The following MYO10 variants were observed in gnomAD, a reference collection of about 807,000 sequenced individuals.
MYO10 encodes myosin X.
In MYO10, 133 loss-of-function variants were observed where a neutral mutation model predicts 257.3. The ratio of observed to expected loss-of-function variants is 0.52; its 90% CI spans 0.45 to 0.60. The LOEUF is 0.60. Among genes scored for constraint, MYO10 ranks in the 20% least tolerant of loss-of-function variants. The probability of loss-of-function intolerance (pLI) is 0.00; values close to 1 mark genes in which losing one functional copy is unlikely to be tolerated. For synonymous variants in MYO10, 1,104 were observed against 1,028.6 expected, an observed-to-expected ratio of 1.07 and a Z score of -1.40; for missense variants, 2,399 against 2,635.7, an observed-to-expected ratio of 0.91 and a Z score of 1.97.
chr5:16,865,584 G>T (rs1744221243), intron 2 of MYO10, among the ~76,000 whole-genome samples: 1 of 152,152 alleles, frequency 6.6e-6, no homozygotes, highest in Non-Finnish European at 1.5e-5. Flanking sequence ...GCCGAGGTGG[G>T]TGGATCACCT....
chr5:16,765,737 C>T (rs1305668389), intron 11 of MYO10, among the ~76,000 whole-genome samples: 2 of 152,098 alleles, frequency 1.3e-5, no homozygotes, highest in East Asian at 3.9e-4. Context: ...TATAATTATG[C>T]TTGTCTTATA....
chr5:16,700,237 T>C (rs1163073960), intron 25 of MYO10, among the ~76,000 whole-genome samples: 1 of 152,150 alleles, frequency 6.6e-6, no homozygotes, highest in Non-Finnish European at 1.5e-5. Flanking sequence ...CAAGGAAAGT[T>C]TGCCAGTTCA....
chr5:16,784,722 A>G (rs1741522906), intron 4 of MYO10, among the ~76,000 whole-genome samples: 1 of 152,234 alleles, frequency 6.6e-6, no homozygotes. Flanking sequence ...CGTTCTAAAG[A>G]GAAGTCCTGT....
chr5:16,823,468 A>ATTTTTTTTTTTTTTTTTT (rs1173952251), intron 2 of MYO10, among the ~76,000 whole-genome samples: 1 of 6,448 alleles, frequency 1.6e-4, no homozygotes, highest in African/African-American at 4.7e-4. Flanking sequence ...GGGAGTGGGG[A>ATTTTTTTTTTTTTTTTTT]TTTTTTTTTT....
At chr5:16,672,003 T>C (rs1561167818) in intron 37 of MYO10, among the ~76,000 whole-genome samples, 1 of 152,264 alleles carries the variant, frequency 6.6e-6, no homozygotes, top group East Asian at 1.9e-4. Flanking sequence ...TCAAATAGCG[T>C]AGGTCTACAG....
chr5:16,728,981 T>C (rs1447485639), intron 19 of MYO10, among the ~76,000 whole-genome samples: 1 of 152,216 alleles, frequency 6.6e-6, no homozygotes, highest in African/African-American at 2.4e-5. Flanking sequence ...TTTCTTTTCT[T>C]TTAAGCACAG....
intron 2 of MYO10, among the ~76,000 whole-genome samples, chr5:16,825,434 T>C (rs1442422304): frequency 6.6e-6 from 1 of 152,238 alleles, no homozygotes; most frequent in Non-Finnish European, 1.5e-5. Context: ...GAAATGTTTT[T>C]CCCTGTGAAC....
At chr5:16,833,555 T>C (rs1041647917) in intron 2 of MYO10, among the ~76,000 whole-genome samples, 2 of 152,156 alleles carry the variant, frequency 1.3e-5, no homozygotes, top group Non-Finnish European at 2.9e-5. Context: ...CTTGATAATA[T>C]AGAATTGAAA....
Position 16,673,768 on chromosome 5 carries a change from G to A in MYO10, c.5086C>T (p.His1696Tyr). 1 of 1,613,970 alleles carries A rather than the reference G, an allele frequency of 6.2e-7. No homozygotes were observed. Among genetic ancestry groups the A allele is most frequent in the South Asian group, 1.1e-5 (1 of 91,076 alleles). The change falls in exon 36 of 41, where the codon CAC (histidine) becomes TAC (tyrosine). Residue 1696 changes from histidine to tyrosine, a missense_variant. Coordinates refer to ENST00000513610, the MANE Select transcript of MYO10 (RefSeq NM_012334.3). Reference sequence around the variant, plus strand: ...ACCGTGGATGTCATTTCCTGCCTGTGGATCAGAGCTTCTATTTCATCTCGG... The same window carrying A: ...ACCGTGGATGTCATTTCCTGCCTGTAGATCAGAGCTTCTATTTCATCTCGG... Reference protein sequence around the residue: ...PSRDEIEALIHRQEMTSTVYC... With the variant: ...PSRDEIEALIYRQEMTSTVYC...
At chr5:16,906,001 C>T (rs1454157094) in intron 1 of MYO10, among the ~76,000 whole-genome samples, 1 of 152,176 alleles carries the variant, frequency 6.6e-6, no homozygotes. Flanking sequence ...AGAATGGATA[C>T]ATCCTCAACT....
chr5:16,671,997 A>G (rs1341097688), intron 37 of MYO10, among the ~76,000 whole-genome samples: 1 of 152,200 alleles, frequency 6.6e-6, no homozygotes, highest in Non-Finnish European at 1.5e-5. Flanking sequence ...CACAGATCAA[A>G]TAGCGTAGGT....
chr5:16,891,192 CAGG>C (rs1561042261), intron 1 of MYO10, among the ~76,000 whole-genome samples: 1 of 151,622 alleles, frequency 6.6e-6, no homozygotes, highest in Non-Finnish European at 1.5e-5. Context: ...GAGGCTGAGG[CAGG>C]AGAATTGCTT....
At chr5:16,874,195 A>G (rs572450686) in intron 2 of MYO10, among the ~76,000 whole-genome samples, 1 of 151,898 alleles carries the variant, frequency 6.6e-6, no homozygotes, top group Admixed American at 6.6e-5. Flanking sequence ...TTAGCTGGGC[A>G]TGGTGGCAGG....
intron 1 of MYO10, among the ~76,000 whole-genome samples, chr5:16,921,365 A>AG (rs1434677051): frequency 5.3e-5 from 8 of 152,226 alleles, no homozygotes; most frequent in Non-Finnish European, 2.9e-5. Flanking sequence ...TTAGGGGGTG[A>AG]GGGGTCTGAG....
chr5:16,758,295 T>G, intron 17 of MYO10, 69 bp from the exon 18 acceptor site: 2 of 1,049,110 alleles, frequency 1.9e-6, no homozygotes, highest in Non-Finnish European at 3.0e-6. Context: ...ATTATTGTAA[T>G]TAATGGTGCC....
intron 32 of MYO10, 128 bp from the exon 33 acceptor site, chr5:16,680,232 CAT>C: frequency 8.5e-7 from 1 of 1,176,676 alleles, no homozygotes; most frequent in Non-Finnish European, 1.2e-6. Flanking sequence ...TTAATTCCTA[CAT>C]GTGTCCTGTC....
chr5:16,829,532 C>G (rs1474650142), intron 2 of MYO10, among the ~76,000 whole-genome samples: 1 of 152,148 alleles, frequency 6.6e-6, no homozygotes, highest in Non-Finnish European at 1.5e-5. Flanking sequence ...TCGCGCACCC[C>G]CAAAAGTATC....
rs1256217463 is a variant in MYO10, at chr5:16,668,312, C to T, written c.6040G>A (p.Val2014Ile). ...APLANTYKIV[V>I]DERELLFETS... Reference sequence around the variant, plus strand: ...TCAAAGAGCAGCTCCCTCTCATCGACCACGATCTTATACGTATTCGCCAGG... The same window carrying T: ...TCAAAGAGCAGCTCCCTCTCATCGATCACGATCTTATACGTATTCGCCAGG... The change falls in exon 40 of 41, where the codon GTC (valine) becomes ATC (isoleucine). Residue 2014 changes from valine to isoleucine, a missense_variant. Physicochemically the swap from Val to Ile is conservative, Grantham distance 29. This residue lies in a region of MYO10 where 1,820 missense variants were observed against 1,939.4 expected (regional missense o/e 0.94). Transcript: ENST00000513610. 1 of 1,613,702 alleles carries T rather than the reference C, an allele frequency of 6.2e-7. No homozygotes were observed. Among genetic ancestry groups the T allele is most frequent in the Admixed American group, 1.7e-5 (1 of 59,942 alleles).
chr5:16,794,941 T>C, intron 3 of MYO10, 108 bp from the exon 4 acceptor site: 2 of 855,296 alleles, frequency 2.3e-6, no homozygotes, highest in Non-Finnish European at 3.3e-6. Context: ...GTCTTCTGTC[T>C]CCCGGGTGCA....
Sources: allele counts gnomAD v4.1 joint callset (sites outside exome capture counted in the v4.1 genomes callset), GRCh38; gene constraint gnomAD v4.1.1; regional missense constraint gnomAD v4.1.1; transcripts MANE v1.5; gene names NCBI Gene and HGNC (gene_info 2026-07-23, HGNC 2026-07-21).